AFP: variants seen among roughly 807,000 people sequenced by gnomAD.
AFP encodes alpha-fetoprotein.
A neutral mutation model predicts 78.9 loss-of-function variants in AFP; 64 were observed. The ratio of observed to expected loss-of-function variants is 0.81; its 90% CI spans 0.66 to 1.00. The LOEUF (loss-of-function observed/expected upper bound fraction) is 1.00. Ranked by LOEUF, AFP falls within the 50% of genes least tolerant of loss-of-function variation. The pLI is 0.00. For missense variants in AFP, 689 were observed against 703.8 expected (o/e 0.98, Z 0.24); for synonymous variants, 254 against 243.8 (o/e 1.04, Z -0.39).
chr4:73,448,302 T>C (rs1719891703), intron 8 of AFP, among the ~76,000 whole-genome samples: 1 of 152,136 alleles, frequency 6.6e-6, no homozygotes, highest in Non-Finnish European at 1.5e-5. Context: ...AGTTAATACG[T>C]TTTCCTTCAT....
At chr4:73,445,272 A>G (rs770520168) in intron 7 of AFP, 150 bp downstream of exon 7, 2 of 937,180 alleles carry the variant, frequency 2.1e-6, no homozygotes, top group Non-Finnish European at 3.2e-6. Flanking sequence ...TCTCGGTAGT[A>G]AAACTTAAAC....
rs770323458 is a variant in AFP at position 73,455,686 on chromosome 4, T to C, written c.*66T>C. 7.2e-6 allele frequency: 5 copies of C among 696,192 alleles called. No homozygotes were observed. Among genetic ancestry groups the C allele is most frequent in the South Asian group, 6.1e-5 (4 of 65,116 alleles). The allele number at this position is 696,192 out of a possible 1,614,324, so 43.1% of individuals were successfully genotyped here. ...CGGTGTGAACTTTTCTCTTTAATTTTAACTGATTTAACACTTTTTGTGAAT... is the reference window on the plus strand; with the variant it reads ...CGGTGTGAACTTTTCTCTTTAATTTCAACTGATTTAACACTTTTTGTGAAT... On this transcript the variant is annotated 3_prime_UTR_variant, in exon 15 of 15. Coordinates refer to ENST00000395792, the MANE Select transcript of AFP (RefSeq NM_001134.3).
chr4:73,452,912 T>C (rs1270797037), intron 12 of AFP, among the ~76,000 whole-genome samples: 2 of 152,228 alleles, frequency 1.3e-5, no homozygotes, highest in Admixed American at 6.5e-5. Flanking sequence ...GGGCAATCTA[T>C]TCTGAGGAAT....
chr4:73,439,631 C>A (rs1719605954), intron 3 of AFP, among the ~76,000 whole-genome samples: 1 of 152,114 alleles, frequency 6.6e-6, no homozygotes, highest in Non-Finnish European at 1.5e-5. Flanking sequence ...GCTATAAAAG[C>A]TACATAAAAG....
chr4:73,437,171 G>T lies in AFP; in HGVS notation c.97G>T (p.Asp33Tyr), dbSNP rs766183408. The T allele has an allele frequency of 2.5e-6, 4 of 1,611,234 alleles. No homozygotes were observed. The highest frequency in any genetic ancestry group is 2.2e-5 in the East Asian group (1 of 44,748). ...ATTTTGCTTTCCAGCTTCCATATTG[G>T]ATTCTTACCAATGTACTGCAGAGAT... ...RNEYGIASIL[D>Y]SYQCTAEISL... The change falls in exon 2 of 15, where the codon GAT becomes TAT. Residue 33 changes from aspartate to tyrosine, a missense_variant. Physicochemically the swap from Asp to Tyr is radical, Grantham distance 160 (BLOSUM62 -3). Coordinates refer to ENST00000395792, the MANE Select transcript of AFP (RefSeq NM_001134.3).
Position 73,438,191 on chromosome 4 carries a change from C to T in AFP, c.155C>T (p.Ala52Val). The T allele has an allele frequency of 6.2e-7, 1 of 1,613,276 alleles. No homozygotes were observed. Among genetic ancestry groups the T allele is most frequent in the Non-Finnish European group, 8.5e-7 (1 of 1,179,428 alleles). The change falls in exon 3 of 15, where the codon GCC becomes GTC. Residue 52 changes from alanine (A) to valine (V), a missense_variant. Transcript: ENST00000395792. ...SLADLATIFF[A>V]QFVQEATYKE... ...TGTTTCAGGGCTACCATATTTTTTGCCCAGTTTGTTCAAGAAGCCACTTAC... is the reference window on the plus strand; with the variant it reads ...TGTTTCAGGGCTACCATATTTTTTGTCCAGTTTGTTCAAGAAGCCACTTAC...
intron 7 of AFP, among the ~76,000 whole-genome samples, chr4:73,445,575 A>G (rs1183921388): frequency 6.6e-6 from 1 of 152,230 alleles, no homozygotes; most frequent in Non-Finnish European, 1.5e-5. Flanking sequence ...TAGGAGAGAT[A>G]AGACAGTGAC....
At position 73,454,482 on chromosome 4, in the gene AFP, T is replaced by A. The variant is rs553845686; in HGVS notation, c.1785+585T>A. Among the ~76,000 whole-genome samples, 9 of 152,246 alleles carry A rather than the reference T, an allele frequency of 5.9e-5. No homozygotes were observed. The East Asian group carries it at 1.7e-3, about 29-fold the overall frequency. The stretch of plus-strand genomic sequence containing the variant: ...ATGATTGACAAATACAAATTATATA[T>A]GTTTAGGGTGAACATGTGATGTTTC... On this transcript the variant is annotated intron_variant, in intron 13 of 14. Transcript: ENST00000395792.
intron 6 of AFP, 138 bp from the exon 7 acceptor site, chr4:73,444,855 G>T: frequency 1.3e-6 from 1 of 779,750 alleles, no homozygotes; most frequent in Non-Finnish European, 2.0e-6. Context: ...CTTAAAACAT[G>T]TTTCCTTTTC....
intron 9 of AFP, among the ~76,000 whole-genome samples, 165 bp downstream of exon 9, chr4:73,449,632 C>T (rs1054776484): frequency 2.0e-5 from 3 of 152,190 alleles, no homozygotes; most frequent in Non-Finnish European, 4.4e-5. Context: ...CAGCTAGTGG[C>T]TTGCTTTAGA....
chr4:73,447,703 A>C (rs765797101), intron 8 of AFP, 27 bp downstream of exon 8: 98 of 1,552,710 alleles, frequency 6.3e-5, no homozygotes, highest in Admixed American at 1.5e-4. Context: ...ATGCATGTTC[A>C]TGCAAGTAAA....
intron 5 of AFP, among the ~76,000 whole-genome samples, chr4:73,442,868 G>T (rs184551692): frequency 3.3e-5 from 5 of 152,186 alleles, no homozygotes; most frequent in African/African-American, 1.2e-4. Flanking sequence ...CTAGGAAAGA[G>T]GTTTAGAGAA....
chr4:73,437,804 G>A (rs561172986), intron 2 of AFP, among the ~76,000 whole-genome samples: 1 of 152,084 alleles, frequency 6.6e-6, no homozygotes, highest in South Asian at 2.1e-4. Context: ...GACACTGTTA[G>A]AGGTCTGTCT....
At chr4:73,438,529 T>C (rs528660994) in intron 3 of AFP, among the ~76,000 whole-genome samples, 1 of 152,286 alleles carries the variant, frequency 6.6e-6, no homozygotes, top group East Asian at 1.9e-4. Context: ...GCTAAGGTTC[T>C]GAAATAAGAT....
intron 12 of AFP, 108 bp downstream of exon 12, chr4:73,452,732 C>T: frequency 1.1e-6 from 1 of 880,856 alleles, no homozygotes; most frequent in South Asian, 1.4e-5. Context: ...CAGAGCGTTA[C>T]TCCCAAAACA....
chr4:73,455,013 T>C (rs976874341), intron 13 of AFP, among the ~76,000 whole-genome samples: 3 of 152,076 alleles, frequency 2.0e-5, no homozygotes, highest in African/African-American at 7.3e-5. Flanking sequence ...AGAATACGCA[T>C]TGATTTGGAG....
intron 3 of AFP, among the ~76,000 whole-genome samples, chr4:73,439,348 G>T (rs1413834855): frequency 6.6e-6 from 1 of 152,124 alleles, no homozygotes; most frequent in Non-Finnish European, 1.5e-5. Flanking sequence ...TAAGGATATA[G>T]TTTAAGTTCT....
chr4:73,449,837 A>G (rs1452863952), intron 9 of AFP, among the ~76,000 whole-genome samples, 199 bp from the exon 10 acceptor site: 1 of 152,200 alleles, frequency 6.6e-6, no homozygotes, highest in African/African-American at 2.4e-5. Context: ...CCATTAAATG[A>G]TTTTGTGATT....
rs754547670 is a variant in AFP, at chr4:73,450,007, A to G, written c.1192-29A>G. 2.0e-6 allele frequency: 3 copies of G among 1,516,988 alleles called. No individual in the cohort carries two copies. The African/African-American group carries it at 4.2e-5, about 21-fold the overall frequency. 94.0% of individuals were successfully genotyped at this position (1,516,988 alleles called of 1,614,324 possible). A position where few individuals can be genotyped will look rare whatever the true frequency, so the allele number is the denominator to read the frequency against. On this transcript the variant is annotated intron_variant, in intron 9 of 14. Coordinates refer to ENST00000395792, the MANE Select transcript of AFP (RefSeq NM_001134.3). ...AAGTTATGCATCCAAGAAAAGAAAAATGTATATGTAATAATTCTTCATTTT... is the reference window on the plus strand; with the variant it reads ...AAGTTATGCATCCAAGAAAAGAAAAGTGTATATGTAATAATTCTTCATTTT...
Sources: gnomAD v4.1 joint callset for allele counts (sites outside exome capture counted in the v4.1 genomes callset) on GRCh38, gnomAD v4.1.1 for gene constraint, MANE v1.5 for transcripts, NCBI Gene and HGNC (gene_info 2026-07-23, HGNC 2026-07-21) for gene names.